SIPA1L2: variants seen among roughly 807,000 people sequenced by gnomAD.
SIPA1L2 encodes signal-induced proliferation-associated 1-like protein 2.
In SIPA1L2, 56 loss-of-function variants were observed where a neutral mutation model predicts 163.9. The ratio of observed to expected loss-of-function variants is 0.34; its 90% CI spans 0.28 to 0.43. SIPA1L2 has a LOEUF of 0.43. Among genes scored for constraint, SIPA1L2 ranks in the 20% least tolerant of loss-of-function variants. The probability of loss-of-function intolerance (pLI) is 1.00; values close to 1 mark genes in which losing one functional copy is unlikely to be tolerated. For missense variants in SIPA1L2, 1,974 were observed against 2,193.5 expected, an observed-to-expected ratio of 0.90 and a Z score of 2.00; for synonymous variants, 877 against 865.7, an observed-to-expected ratio of 1.01 and a Z score of -0.23.
chr1:232,493,854 T>A (rs913004297), intron 3 of SIPA1L2, among the ~76,000 whole-genome samples, 194 bp from the exon 4 acceptor site: 4 of 152,332 alleles, frequency 2.6e-5, no homozygotes, highest in African/African-American at 9.6e-5. Flanking sequence ...TTTCAATTAC[T>A]TCCTCCTCTC....
At position 232,399,044 on chromosome 1, in the gene SIPA1L2, A is replaced by C; in HGVS notation, c.*83T>G. The C allele has an allele frequency of 6.3e-7, 1 of 1,581,794 alleles. No homozygotes were observed. The highest frequency in any genetic ancestry group is 8.6e-7 in the Non-Finnish European group (1 of 1,158,832). ...AGCAAAAACATCTACGATTGGTTGA[A>C]AGCACACAGAAAAACCACATGTTTG... On this transcript the variant is annotated 3_prime_UTR_variant, in exon 23 of 23. Coordinates refer to ENST00000674635, the MANE Select transcript of SIPA1L2 (RefSeq NM_020808.5).
At chr1:232,466,600 C>T (rs1352762115) in intron 8 of SIPA1L2, among the ~76,000 whole-genome samples, 6 of 152,074 alleles carry the variant, frequency 3.9e-5, no homozygotes. Context: ...ACCATCCTAG[C>T]TAGCACGGTG....
At chr1:232,597,689 CAAA>C (rs376123118) in intron 1 of SIPA1L2, among the ~76,000 whole-genome samples, 3,576 of 65,360 alleles carry the variant, frequency 0.055, 99 homozygotes, top group African/African-American at 0.085. Context: ...AACTCTGTCT[CAAA>C]AAAAAAAAAA....
At chr1:232,528,078 TTATATATATA>T (rs67185229) in intron 2 of SIPA1L2, among the ~76,000 whole-genome samples, 6 of 96,126 alleles carry the variant, frequency 6.2e-5, no homozygotes, top group South Asian at 3.6e-4. Context: ...TAAGCAAGTT[TTATATATATA>T]TATATATATA....
At chr1:232,439,012 GC>G in intron 15 of SIPA1L2, 95 bp downstream of exon 15, 1 of 1,279,634 alleles carries the variant, frequency 7.8e-7, no homozygotes, top group East Asian at 2.6e-5. Context: ...CCTACCTGAT[GC>G]CCCTACTGCT....
chr1:232,466,737 G>A (rs1664537939), intron 8 of SIPA1L2, among the ~76,000 whole-genome samples: 1 of 152,170 alleles, frequency 6.6e-6, no homozygotes. Flanking sequence ...CTTGCAGTGA[G>A]CCGAGATCAC....
intron 2 of SIPA1L2, among the ~76,000 whole-genome samples, chr1:232,560,478 C>T (rs1244825002): frequency 1.3e-5 from 2 of 152,228 alleles, no homozygotes; most frequent in East Asian, 3.8e-4. Context: ...TGAGTACTTA[C>T]TAAAGATTCC....
intron 10 of SIPA1L2, among the ~76,000 whole-genome samples, chr1:232,455,610 G>A (rs1272283973): frequency 5.6e-5 from 4 of 71,866 alleles, no homozygotes; most frequent in Non-Finnish European, 2.6e-5. Context: ...GAACCCGTGA[G>A]GCGGAGCTTG....
At chr1:232,572,140 C>G (rs1659765570) in intron 2 of SIPA1L2, among the ~76,000 whole-genome samples, 1 of 152,184 alleles carries the variant, frequency 6.6e-6, no homozygotes, top group Non-Finnish European at 1.5e-5. Flanking sequence ...CACACAGTGC[C>G]TGTTTCCCAT....
intron 8 of SIPA1L2, among the ~76,000 whole-genome samples, chr1:232,471,142 T>C (rs1029863272): frequency 6.6e-6 from 1 of 152,230 alleles, no homozygotes; most frequent in Non-Finnish European, 1.5e-5. Flanking sequence ...CTCAAGTTTT[T>C]AGGAGAAAAA....
At chr1:232,458,178 T>C (rs1664037056) in intron 10 of SIPA1L2, among the ~76,000 whole-genome samples, 1 of 152,130 alleles carries the variant, frequency 6.6e-6, no homozygotes, top group Non-Finnish European at 1.5e-5. Context: ...AAAAACCCTG[T>C]ATGTTTAGGG....
rs6695035 is a variant in SIPA1L2 at position 232,551,103 on chromosome 1, C to T, written c.-270+23071G>A. Among the ~76,000 whole-genome samples the T allele has an allele frequency of 2.7e-3, 413 of 152,300 alleles. 3 individuals carry two copies. The highest frequency in any genetic ancestry group is 9.5e-3 in the African/African-American group (395 of 41,572). ...GACAAACTACCGTGCGTTTCTATGTCTGTTTTCTCATCTGTAAAGAGTTAA... is the reference window on the plus strand; with the variant it reads ...GACAAACTACCGTGCGTTTCTATGTTTGTTTTCTCATCTGTAAAGAGTTAA... On this transcript the variant is annotated intron_variant, in intron 2 of 22. Coordinates refer to ENST00000674635, the MANE Select transcript of SIPA1L2 (RefSeq NM_020808.5).
chr1:232,442,786 T>C (rs910284235), intron 12 of SIPA1L2, among the ~76,000 whole-genome samples: 8 of 152,198 alleles, frequency 5.3e-5, no homozygotes, highest in Non-Finnish European at 2.9e-5. Flanking sequence ...AAAAATCCTC[T>C]CTTGGCTTAA....
Position 232,439,257 on chromosome 1 carries a change from G to T in SIPA1L2, c.3882C>A (p.Ala1294=), listed in dbSNP as rs755262566. The change falls in exon 15 of 23, where the codon GCC becomes GCA. Residue 1294 remains alanine, a synonymous_variant. Coordinates refer to ENST00000674635, the MANE Select transcript of SIPA1L2 (RefSeq NM_020808.5). ...AGSRSLIHSR[A]EQWADAADVS... is the part of the protein sequence containing the mutation. ...CGTCGGCAGCATCAGCCCACTGCTC[G>T]GCCCGGCTGTGGATCAGGGACCTGC... 2.5e-6 allele frequency: 4 copies of T among 1,614,084 alleles called. No individual in the cohort carries two copies. The South Asian group carries it at 4.4e-5, about 18-fold the overall frequency.
intron 2 of SIPA1L2, among the ~76,000 whole-genome samples, chr1:232,537,309 G>A (rs928924223): frequency 6.6e-6 from 1 of 152,092 alleles, no homozygotes; most frequent in Admixed American, 6.6e-5. Context: ...AATACAGAAT[G>A]TCCTACTTCT....
At chr1:232,586,335 G>C (rs1276757823) in intron 1 of SIPA1L2, among the ~76,000 whole-genome samples, 2 of 152,094 alleles carry the variant, frequency 1.3e-5, no homozygotes, top group Non-Finnish European at 2.9e-5. Flanking sequence ...CCACTACAAT[G>C]TATTTATTAA....
At chr1:232,572,771 A>ATT (rs1659861777) in intron 2 of SIPA1L2, among the ~76,000 whole-genome samples, 1 of 111,810 alleles carries the variant, frequency 8.9e-6, no homozygotes, top group African/African-American at 3.1e-5. Flanking sequence ...ATATATATAT[A>ATT]TATATATATT....
intron 2 of SIPA1L2, among the ~76,000 whole-genome samples, chr1:232,525,724 G>T (rs1667674566): frequency 6.6e-6 from 1 of 152,166 alleles, no homozygotes; most frequent in Admixed American, 6.5e-5. Context: ...ACTTACTTCA[G>T]TTTCATCTGC....
chr1:232,403,386 C>A lies in SIPA1L2; in HGVS notation c.4940+62G>T, dbSNP rs1010607813. 2.5e-6 allele frequency: 4 copies of A among 1,578,610 alleles called. No homozygotes were observed. In the African/African-American group the frequency reaches 5.4e-5, roughly 21 times the overall value. On this transcript the variant is annotated intron_variant, in intron 21 of 22. Transcript: ENST00000674635. ...GCCTGGCTCAGGGTTAGTCGGTTAGCCGAATCTTGGCTAATCATGCCTGGA... is the reference window on the plus strand; with the variant it reads ...GCCTGGCTCAGGGTTAGTCGGTTAGACGAATCTTGGCTAATCATGCCTGGA...
Sources: gnomAD v4.1 joint callset for allele counts (sites outside exome capture counted in the v4.1 genomes callset) on GRCh38, gnomAD v4.1.1 for gene constraint, MANE v1.5 for transcripts, NCBI Gene and HGNC (gene_info 2026-07-23, HGNC 2026-07-21) for gene names.